EPHX2: variants seen among roughly 807,000 people sequenced by gnomAD.
The protein encoded by EPHX2 is epoxide hydrolase 2.
Under a neutral mutation model 78.7 loss-of-function variants are expected in EPHX2, and 74 were observed. That is an observed-to-expected ratio of 0.94 (90% CI 0.78 to 1.14). The LOEUF is 1.14. Among genes scored for constraint, EPHX2 ranks in the 50% most tolerant of loss-of-function variants. The pLI is 0.00. For missense variants in EPHX2, 715 were observed against 702.5 expected, an observed-to-expected ratio of 1.02 and a Z score of -0.20; for synonymous variants, 251 against 255.2, an observed-to-expected ratio of 0.98 and a Z score of 0.16.
At chr8:27,502,784 C>T (rs959575145) in intron 2 of EPHX2, among the ~76,000 whole-genome samples, 4 of 152,158 alleles carry the variant, frequency 2.6e-5, no homozygotes, top group African/African-American at 9.7e-5. Flanking sequence ...GATTAAGATT[C>T]GTCATAATGA....
intron 1 of EPHX2, among the ~76,000 whole-genome samples, chr8:27,495,261 T>G (rs1813532439): frequency 6.6e-6 from 1 of 152,226 alleles, no homozygotes; most frequent in African/African-American, 2.4e-5. Context: ...CTTTCCCAGT[T>G]CTAAGGCTCA....
chr8:27,544,663 T>C lies in EPHX2; in HGVS notation c.*141T>C, dbSNP rs1446813548. The C allele has an allele frequency of 2.5e-6, 2 of 791,692 alleles. No homozygotes were observed. The highest frequency in any genetic ancestry group is 4.1e-6 in the Non-Finnish European group (2 of 487,914). 49.0% of individuals were successfully genotyped at this position (791,692 alleles called of 1,614,324 possible). A position where few individuals can be genotyped will look rare whatever the true frequency, so the allele number is the denominator to read the frequency against. ...GAAGGGGTTTGCAGAAAAAAAAGATTTTCTTTACATAAAGTGAATCAAATT... is the reference window on the plus strand; with the variant it reads ...GAAGGGGTTTGCAGAAAAAAAAGATCTTCTTTACATAAAGTGAATCAAATT... On this transcript the variant is annotated 3_prime_UTR_variant, in exon 19 of 19. Transcript: ENST00000521400.
intron 6 of EPHX2, among the ~76,000 whole-genome samples, chr8:27,512,755 T>C (rs1814299852): frequency 6.6e-6 from 1 of 151,816 alleles, no homozygotes; most frequent in Admixed American, 6.6e-5. Flanking sequence ...GCTGGAATCT[T>C]GGTTTTGCCA....
At chr8:27,497,588 G>A (rs541742132) in intron 1 of EPHX2, among the ~76,000 whole-genome samples, 15 of 152,088 alleles carry the variant, frequency 9.9e-5, no homozygotes, top group Non-Finnish European at 1.9e-4. Flanking sequence ...TTTGTTCAGG[G>A]CCCAGGGATA....
intron 12 of EPHX2, among the ~76,000 whole-genome samples, chr8:27,527,034 A>C (rs922227130): frequency 1.3e-5 from 2 of 151,926 alleles, no homozygotes; most frequent in Non-Finnish European, 2.9e-5. Flanking sequence ...TCCGCCTCCT[A>C]AGGTTCAAGC....
intron 12 of EPHX2, among the ~76,000 whole-genome samples, chr8:27,533,234 T>G (rs1815103611): frequency 6.6e-6 from 1 of 152,226 alleles, no homozygotes; most frequent in Non-Finnish European, 1.5e-5. Context: ...ATCCCCATTT[T>G]ACAGATGAGG....
chr8:27,543,008 C>T (rs1393661312), intron 16 of EPHX2, among the ~76,000 whole-genome samples: 98 of 58,730 alleles, frequency 1.7e-3, no homozygotes, highest in African/African-American at 0.014. Flanking sequence ...CCATCCTCTC[C>T]CCCCCCCGCC....
intron 8 of EPHX2, among the ~76,000 whole-genome samples, chr8:27,517,616 A>G (rs548043925): frequency 9.2e-5 from 14 of 152,370 alleles, no homozygotes; most frequent in African/African-American, 3.4e-4. Context: ...CTGATCTTTG[A>G]CAAGGGTATC....
intron 5 of EPHX2, among the ~76,000 whole-genome samples, chr8:27,508,802 T>A (rs1814119194): frequency 6.6e-6 from 1 of 152,162 alleles, no homozygotes; most frequent in African/African-American, 2.4e-5. Context: ...AGTTCAGTGA[T>A]GTTAAGAAAA....
chr8:27,501,375 C>CT (rs1490991110), intron 2 of EPHX2, among the ~76,000 whole-genome samples: 8 of 131,756 alleles, frequency 6.1e-5, no homozygotes, highest in African/African-American at 2.1e-4. Context: ...TCTTCTTCTT[C>CT]TTCTTCTTCT....
downstream of EPHX2, among the ~76,000 whole-genome samples, chr8:27,547,476 G>C (rs1400197317): frequency 6.6e-6 from 1 of 152,202 alleles, no homozygotes; most frequent in Non-Finnish European, 1.5e-5. Flanking sequence ...GGGGTACATA[G>C]TGATGTTTTG....
intron 12 of EPHX2, among the ~76,000 whole-genome samples, chr8:27,527,479 C>T (rs1359790353): frequency 6.6e-6 from 1 of 152,166 alleles, no homozygotes; most frequent in Non-Finnish European, 1.5e-5. Flanking sequence ...CAGCCATCAC[C>T]ACATCCACCT....
At chr8:27,514,789 C>T (rs1304963963) in intron 6 of EPHX2, among the ~76,000 whole-genome samples, 1 of 152,078 alleles carries the variant, frequency 6.6e-6, no homozygotes, top group Non-Finnish European at 1.5e-5. Flanking sequence ...CCGGAGCTCA[C>T]TTGTGCGTCC....
downstream of EPHX2, among the ~76,000 whole-genome samples, chr8:27,546,997 GAA>G (rs1434036646): frequency 6.6e-6 from 1 of 152,188 alleles, no homozygotes; most frequent in Non-Finnish European, 1.5e-5. Flanking sequence ...GAGGGAGAGA[GAA>G]AGAGAAGGGG....
Position 27,533,876 on chromosome 8 carries a change from C to G in EPHX2, c.1171-2908C>G, listed in dbSNP as rs1275389866. Among the ~76,000 whole-genome samples, 3 of 152,248 alleles carry G rather than the reference C, an allele frequency of 2.0e-5. No homozygotes were observed. The East Asian group carries it at 5.8e-4, about 29-fold the overall frequency. ...GTGCTGGGATTACAGGCTTGTGCCA[C>G]CACACCTAGACTCTTTGATTTTCTT... On this transcript the variant is annotated intron_variant, in intron 12 of 18. Transcript: ENST00000521400.
intron 10 of EPHX2, among the ~76,000 whole-genome samples, chr8:27,521,134 T>C (rs566761952): frequency 2.1e-4 from 32 of 152,280 alleles, no homozygotes; most frequent in South Asian, 1.2e-3. Flanking sequence ...TGTCTTTTAA[T>C]GAAAGGCAGG....
At chr8:27,494,061 C>T (rs1158287416) in intron 1 of EPHX2, among the ~76,000 whole-genome samples, 3 of 152,072 alleles carry the variant, frequency 2.0e-5, no homozygotes, top group Non-Finnish European at 2.9e-5. Context: ...AAAACCCAGA[C>T]TGTTTGTTAA....
At chr8:27,541,631 A>G in intron 16 of EPHX2, 89 bp downstream of exon 16, 3 of 1,428,148 alleles carry the variant, frequency 2.1e-6, no homozygotes, top group South Asian at 2.3e-5. Flanking sequence ...GACCTGGGCC[A>G]GAGCTGGTTG....
intron 16 of EPHX2, among the ~76,000 whole-genome samples, chr8:27,542,965 A>T (rs1249778249): frequency 6.7e-6 from 1 of 150,322 alleles, no homozygotes; most frequent in East Asian, 2.0e-4. Context: ...TTCCAGCTGG[A>T]TCTTCCTCTC....
Sources: gnomAD v4.1 joint callset for allele counts (sites outside exome capture counted in the v4.1 genomes callset) on GRCh38, gnomAD v4.1.1 for gene constraint, MANE v1.5 for transcripts, NCBI Gene and HGNC (gene_info 2026-07-23, HGNC 2026-07-21) for gene names.